LAMB1: variants seen among roughly 807,000 people sequenced by gnomAD.
The protein encoded by LAMB1 is laminin subunit beta 1.
Under a neutral mutation model 222.3 loss-of-function variants are expected in LAMB1, and 121 were observed. The ratio of observed to expected loss-of-function variants is 0.54; its 90% CI spans 0.47 to 0.63. The LOEUF (loss-of-function observed/expected upper bound fraction) is 0.63, where lower values mean the gene tolerates loss of function less well. Among genes scored for constraint, LAMB1 ranks in the 30% least tolerant of loss-of-function variants. LAMB1 has a pLI of 0.00. For synonymous variants in LAMB1, 794 were observed against 807.2 expected, an observed-to-expected ratio of 0.98 and a Z score of 0.28; for missense variants, 2,172 against 2,240.8, an observed-to-expected ratio of 0.97 and a Z score of 0.62.
At chr7:107,981,129 T>C (rs1215698591) in intron 7 of LAMB1, among the ~76,000 whole-genome samples, 2 of 152,016 alleles carry the variant, frequency 1.3e-5, no homozygotes, top group African/African-American at 4.8e-5. Context: ...CTGGCCAACA[T>C]GGCAAAACCC....
intron 15 of LAMB1, 97 bp from the exon 16 acceptor site, chr7:107,961,773 AAAAC>A (rs1352284259): frequency 1.5e-6 from 2 of 1,358,556 alleles, no homozygotes; most frequent in East Asian, 5.0e-5. Flanking sequence ...GTTGAAATGG[AAAAC>A]AAACAGTTGC....
At chr7:107,934,043 G>C in intron 27 of LAMB1, among the ~76,000 whole-genome samples, 1 of 152,172 alleles carries the variant, frequency 6.6e-6, no homozygotes, top group Non-Finnish European at 1.5e-5. Flanking sequence ...GGGAAAGATG[G>C]AGAGAATTGG....
At chr7:107,984,592 T>G (rs899256825) in intron 7 of LAMB1, among the ~76,000 whole-genome samples, 3 of 152,164 alleles carry the variant, frequency 2.0e-5, no homozygotes, top group Non-Finnish European at 4.4e-5. Flanking sequence ...GTCTTCCCTC[T>G]TCTCCCGAGT....
Position 107,924,211 on chromosome 7 carries a change from C to A in LAMB1, c.5224+19G>T. ...GCCTTAAAGTAATTTAAAAAATAAGCCTGTGTGAAAAGACCCACCTTTGAG... is the reference window on the plus strand; with the variant it reads ...GCCTTAAAGTAATTTAAAAAATAAGACTGTGTGAAAAGACCCACCTTTGAG... On this transcript the variant is annotated intron_variant, in intron 33 of 33. Transcript: ENST00000222399. The A allele has an allele frequency of 6.3e-7, 1 of 1,576,806 alleles. No individual in the cohort carries two copies. Among genetic ancestry groups the A allele is most frequent in the East Asian group, 2.3e-5 (1 of 44,392 alleles).
intron 27 of LAMB1, among the ~76,000 whole-genome samples, chr7:107,934,828 G>C (rs1034416785): frequency 1.3e-5 from 2 of 151,412 alleles, no homozygotes; most frequent in Non-Finnish European, 2.9e-5. Context: ...CTACTCAGGA[G>C]GGTGAGGTGG....
intron 5 of LAMB1, among the ~76,000 whole-genome samples, chr7:107,991,786 T>C (rs533412586): frequency 1.2e-3 from 184 of 149,690 alleles, no homozygotes; most frequent in African/African-American, 4.4e-3. Context: ...CACATGCCCG[T>C]AATCCTAGCT....
intron 12 of LAMB1, among the ~76,000 whole-genome samples, chr7:107,974,357 G>GTGT (rs1562998294): frequency 2.1e-5 from 3 of 144,836 alleles, no homozygotes; most frequent in African/African-American, 7.5e-5. Context: ...TCCTGTGTGT[G>GTGT]TTTTTTTTTT....
chr7:107,926,140 C>T (rs373835446), intron 32 of LAMB1, 43 bp downstream of exon 32: 10 of 1,521,466 alleles, frequency 6.6e-6, no homozygotes, highest in Non-Finnish European at 9.1e-6. Context: ...AGACTGGTGG[C>T]TCCTTTAACA....
At position 107,978,029 on chromosome 7, in the gene LAMB1, C is replaced by T; in HGVS notation, c.1000+18G>A. Reference sequence around the variant, plus strand: ...AGAGCCTGAATGGATTTAAAATGTCCCTTCAACACAGACTTACTTTTACAG... The same window carrying T: ...AGAGCCTGAATGGATTTAAAATGTCTCTTCAACACAGACTTACTTTTACAG... On this transcript the variant is annotated intron_variant, in intron 9 of 33. Transcript: ENST00000222399. 1 of 1,613,944 alleles carries T rather than the reference C, an allele frequency of 6.2e-7. No individual in the cohort carries two copies. The highest frequency in any genetic ancestry group is 1.1e-5 in the South Asian group (1 of 91,060).
At chr7:107,964,799 G>T in intron 13 of LAMB1, 112 bp from the exon 14 acceptor site, 1 of 1,176,664 alleles carries the variant, frequency 8.5e-7, no homozygotes, top group Middle Eastern at 2.8e-4. Flanking sequence ...TACATAGCAT[G>T]TTCTTGTTTT....
chr7:107,980,226 T>C (rs985523202), intron 8 of LAMB1, among the ~76,000 whole-genome samples: 6 of 150,676 alleles, frequency 4.0e-5, no homozygotes, highest in Non-Finnish European at 7.4e-5. Flanking sequence ...AAAAAAAAAA[T>C]CCATTTCTTT....
Position 107,924,886 on chromosome 7 carries a change from A to G in LAMB1, c.5065-497T>C, listed in dbSNP as rs1270168185. Among the ~76,000 whole-genome samples, 3 of 152,296 alleles carry G rather than the reference A, an allele frequency of 2.0e-5. No individual in the cohort carries two copies. The East Asian group carries it at 5.8e-4, about 29-fold the overall frequency. On this transcript the variant is annotated intron_variant, in intron 32 of 33. Transcript: ENST00000222399. The stretch of plus-strand genomic sequence containing the variant: ...CAAGAAGTGAGTGAGGAGAAGAGAA[A>G]TGGGGTGTGGGGTTGGAATGCAAAT...
intron 17 of LAMB1, 28 bp downstream of exon 17, chr7:107,961,178 C>T (rs1456104421): frequency 6.2e-7 from 1 of 1,613,510 alleles, no homozygotes; most frequent in East Asian, 2.2e-5. Flanking sequence ...GGCTTTCCTG[C>T]ATATGCCAGA....
At chr7:107,929,658 G>A (rs777942716) in intron 29 of LAMB1, 39 bp from the exon 30 acceptor site, 2 of 1,538,060 alleles carry the variant, frequency 1.3e-6, no homozygotes, top group Admixed American at 1.7e-5. Flanking sequence ...GAGGTGAAAA[G>A]AATAGATGGT....
intron 24 of LAMB1, among the ~76,000 whole-genome samples, chr7:107,948,155 T>G (rs898059963): frequency 6.6e-6 from 1 of 151,920 alleles, no homozygotes; most frequent in African/African-American, 2.4e-5. Context: ...CCTGATTAAT[T>G]TTCGTATTTT....
At chr7:107,930,242 GA>G (rs1177275854) in intron 29 of LAMB1, among the ~76,000 whole-genome samples, 4 of 150,980 alleles carry the variant, frequency 2.6e-5, no homozygotes, top group African/African-American at 7.3e-5. Flanking sequence ...GGAAGATGGT[GA>G]AAAAAAAAGT....
rs2032816386 is a variant in LAMB1, at chr7:107,935,343, C to CTTTTTTTTTT, written c.4188+71_4188+72insAAAAAAAAAA. On this transcript the variant is annotated intron_variant, in intron 27 of 33. Transcript: ENST00000222399. The stretch of plus-strand genomic sequence containing the variant: ...TAATGACAAAAGATGGTTTGTTTTT[C>CTTTTTTTTTT]TTTGTTTTTTTTTTTTTTTTTTTTT... 5.8e-6 allele frequency: 8 copies of CTTTTTTTTTT among 1,371,968 alleles called. 1 individual carries two copies. In the African/African-American group the frequency reaches 1.2e-4, roughly 21 times the overall value. 85.0% of individuals were successfully genotyped at this position (1,371,968 alleles called of 1,614,324 possible). A position where few individuals can be genotyped will look rare whatever the true frequency, so the allele number is the denominator to read the frequency against.
chr7:107,964,650 G>A lies in LAMB1; in HGVS notation c.1600C>T (p.His534Tyr). Residue 534 changes from histidine to tyrosine, a missense_variant, in exon 14 of 34, where the codon CAC becomes TAC. Transcript: ENST00000222399. ...AESGQCSCRP[H>Y]MIGRQCNEVE... Reference sequence around the variant, plus strand: ...TCGTTGCACTGACGTCCAATCATGTGAGGCCGGCATGAGCACTGGCCTGAC... The same window carrying A: ...TCGTTGCACTGACGTCCAATCATGTAAGGCCGGCATGAGCACTGGCCTGAC... 3 of 1,614,138 alleles carry A rather than the reference G, an allele frequency of 1.9e-6. No individual in the cohort carries two copies. Among genetic ancestry groups the A allele is most frequent in the South Asian group, 1.1e-5 (1 of 91,072 alleles).
In LAMB1 at chr7:107,932,902, C is replaced by G. The variant is rs138828264; in HGVS notation, c.4189-525G>C. ...TAGCCAAGAATAGGTCAGATGCAGT[C>G]ACTATGAAAGAAAGTAGACAAAGGA... On this transcript the variant is annotated intron_variant, in intron 27 of 33. Coordinates refer to ENST00000222399, the MANE Select transcript of LAMB1 (RefSeq NM_002291.3). Among the ~76,000 whole-genome samples the G allele has an allele frequency of 6.0e-4, 91 of 152,248 alleles. 1 individual carries two copies. In the East Asian group the frequency reaches 0.017, roughly 28 times the overall value.
Sources: gnomAD v4.1 joint callset for allele counts (sites outside exome capture counted in the v4.1 genomes callset) on GRCh38, gnomAD v4.1.1 for gene constraint, MANE v1.5 for transcripts, NCBI Gene and HGNC (gene_info 2026-07-23, HGNC 2026-07-21) for gene names.